DCDC1: variants seen among roughly 807,000 people sequenced by gnomAD.
DCDC1 encodes the protein doublecortin domain containing 1.
A neutral mutation model predicts 178.3 loss-of-function variants in DCDC1; 200 were observed. The ratio of observed to expected loss-of-function variants is 1.12; its 90% CI spans 1.00 to 1.26. DCDC1 has a LOEUF of 1.26. Ranked by LOEUF, DCDC1 falls within the 50% of genes most tolerant of loss-of-function variation. The probability of loss-of-function intolerance (pLI) is 0.00; values close to 1 mark genes in which losing one functional copy is unlikely to be tolerated. For missense variants in DCDC1, 1,983 were observed against 1,749.2 expected (o/e 1.13, Z -2.38); for synonymous variants, 690 against 604.8 (o/e 1.14, Z -2.07).
Position 30,985,611 on chromosome 11 carries a change from C to A in DCDC1, c.2592-33043G>T, listed in dbSNP as rs145521925. Among the ~76,000 whole-genome samples the A allele has an allele frequency of 1.7e-3, 254 of 152,128 alleles. 3 individuals carry two copies. In the East Asian group the frequency reaches 0.031, roughly 18 times the overall value. On this transcript the variant is annotated intron_variant, in intron 20 of 38. Transcript: ENST00000684477. ...AGACTATTTTTATCACCTCACTTTA[C>A]CCTTACTAAAAGTATATGAAATATT...
At chr11:30,922,368 A>T (rs1246970612) in intron 24 of DCDC1, 135 bp downstream of exon 24, 4 of 986,130 alleles carry the variant, frequency 4.1e-6, no homozygotes, top group Non-Finnish European at 5.5e-6. Flanking sequence ...CACATAATTT[A>T]GTTTAAAGAG....
intron 9 of DCDC1, among the ~76,000 whole-genome samples, chr11:31,203,296 G>C (rs1216482528): frequency 6.6e-6 from 1 of 152,118 alleles, no homozygotes; most frequent in Non-Finnish European, 1.5e-5. Context: ...GGAGCAAGTG[G>C]ATACTAAAAA....
chr11:30,936,286 T>C (rs914445370), intron 21 of DCDC1, among the ~76,000 whole-genome samples: 8 of 152,212 alleles, frequency 5.3e-5, no homozygotes, highest in African/African-American at 1.9e-4. Context: ...AGAGGGACAA[T>C]CCCAAGTCTT....
intron 3 of DCDC1, among the ~76,000 whole-genome samples, chr11:31,321,806 C>T (rs1488400225): frequency 6.6e-6 from 1 of 152,140 alleles, no homozygotes; most frequent in Admixed American, 6.5e-5. Flanking sequence ...TCTAGAAACT[C>T]TTTCATAATA....
At chr11:31,262,542 A>G (rs1295843066) in intron 8 of DCDC1, 1 of 152,246 alleles carries the variant, frequency 6.6e-6, no homozygotes, top group Non-Finnish European at 1.5e-5. Flanking sequence ...ATAAATAAAA[A>G]GTAATTGCTA....
At chr11:31,075,934 A>G (rs1956837132) in intron 18 of DCDC1, among the ~76,000 whole-genome samples, 1 of 152,152 alleles carries the variant, frequency 6.6e-6, no homozygotes, top group South Asian at 2.1e-4. Flanking sequence ...ATCTTGACTC[A>G]CCACAACCTC....
intron 8 of DCDC1, among the ~76,000 whole-genome samples, chr11:31,250,421 C>CATATATATATATATACATAT: frequency 1.9e-4 from 10 of 52,942 alleles, no homozygotes; most frequent in East Asian, 1.8e-3. Flanking sequence ...CACACATATA[C>CATATATATATATATACATAT]ATATATATGT....
chr11:31,285,569 T>A (rs1300916082), intron 7 of DCDC1, among the ~76,000 whole-genome samples: 1 of 152,164 alleles, frequency 6.6e-6, no homozygotes, highest in Non-Finnish European at 1.5e-5. Context: ...TTGTGTTATT[T>A]CAATTGAATT....
chr11:30,987,083 C>T (rs1489921811), intron 20 of DCDC1, among the ~76,000 whole-genome samples: 1 of 152,190 alleles, frequency 6.6e-6, no homozygotes, highest in Non-Finnish European at 1.5e-5. Context: ...GTAGCATAAT[C>T]TAGGCTCACT....
rs78997000 is a variant in DCDC1 at position 30,915,860 on chromosome 11, C to T, written c.3453-149G>A. The T allele has an allele frequency of 1.3e-3, 923 of 726,062 alleles. 12 individuals are homozygous for T. The East Asian group carries it at 0.02, about 16-fold the overall frequency. 45.0% of individuals were successfully genotyped at this position (726,062 alleles called of 1,614,324 possible). On this transcript the variant is annotated intron_variant, in intron 26 of 38. Coordinates refer to ENST00000684477, the MANE Select transcript of DCDC1 (RefSeq NM_001387274.1). ...ATGATAGACCATATCATTAGAATGA[C>T]GGCAATGCTACCAGCACTGCACTTC...
chr11:31,205,991 T>A (rs1971821159), intron 9 of DCDC1, among the ~76,000 whole-genome samples: 1 of 152,126 alleles, frequency 6.6e-6, no homozygotes, highest in Admixed American at 6.5e-5. Context: ...AATTAAAAAA[T>A]TAAAGCTGAA....
chr11:31,238,910 C>G (rs1976771934), intron 9 of DCDC1, among the ~76,000 whole-genome samples: 1 of 152,026 alleles, frequency 6.6e-6, no homozygotes, highest in Admixed American at 6.6e-5. Context: ...CATGCTATAA[C>G]AGCCAAGCTA....
intron 3 of DCDC1, among the ~76,000 whole-genome samples, chr11:31,316,017 G>A (rs1014295278): frequency 1.3e-4 from 11 of 84,534 alleles, no homozygotes; most frequent in South Asian, 6.6e-4. Context: ...AGTATTCCAC[G>A]GTGTATATGT....
intron 36 of DCDC1, among the ~76,000 whole-genome samples, chr11:30,890,292 T>A (rs1032885158): frequency 2.0e-5 from 3 of 152,254 alleles, no homozygotes; most frequent in African/African-American, 7.2e-5. Flanking sequence ...TGGTCACATC[T>A]ATCTCTTCCA....
At chr11:30,926,988 G>C (rs1026843920) in intron 22 of DCDC1, among the ~76,000 whole-genome samples, 3 of 152,070 alleles carry the variant, frequency 2.0e-5, no homozygotes, top group Admixed American at 6.5e-5. Flanking sequence ...CACAGCAGTG[G>C]AGCTCTTAAG....
intron 1 of DCDC1, among the ~76,000 whole-genome samples, chr11:31,337,728 T>C (rs1158962975): frequency 2.6e-5 from 4 of 152,170 alleles, no homozygotes; most frequent in Non-Finnish European, 5.9e-5. Context: ...TTGCTGTTTT[T>C]CAACCCAAGC....
chr11:30,980,730 T>C (rs1950351280), intron 20 of DCDC1, among the ~76,000 whole-genome samples: 1 of 152,004 alleles, frequency 6.6e-6, no homozygotes, highest in Admixed American at 6.6e-5. Flanking sequence ...AATATGCCAG[T>C]GAAAGAGAAA....
intron 36 of DCDC1, among the ~76,000 whole-genome samples, chr11:30,888,098 AAAAGAAAG>A (rs59770180): frequency 0.063 from 6,575 of 104,828 alleles, 310 homozygotes; most frequent in Admixed American, 0.085. Flanking sequence ...GAAAGAAAGA[AAAAGAAAG>A]AAAGAAAGAA....
At chr11:31,070,890 C>A (rs1956516558) in intron 18 of DCDC1, among the ~76,000 whole-genome samples, 1 of 152,174 alleles carries the variant, frequency 6.6e-6, no homozygotes, top group African/African-American at 2.4e-5. Context: ...GCAGGCAAGT[C>A]TGCAGAATTT....
Sources: allele counts gnomAD v4.1 joint callset (sites outside exome capture counted in the v4.1 genomes callset), GRCh38; gene constraint gnomAD v4.1.1; transcripts MANE v1.5; gene names NCBI Gene and HGNC (gene_info 2026-07-23, HGNC 2026-07-21).